TP73: variants seen among roughly 807,000 people sequenced by gnomAD.
TP73 encodes p53-like transcription factor.
A neutral mutation model predicts 62.5 loss-of-function variants in TP73; 25 were observed. The ratio of observed to expected loss-of-function variants is 0.40; its 90% CI spans 0.29 to 0.56. The LOEUF (loss-of-function observed/expected upper bound fraction) is 0.56. TP73 is among the 20% of genes least tolerant of loss of function. The pLI is 0.46. For synonymous variants in TP73, 423 were observed against 377.5 expected, an observed-to-expected ratio of 1.12 and a Z score of -1.40; for missense variants, 754 against 913.3, an observed-to-expected ratio of 0.83 and a Z score of 2.25.
intron 5 of TP73, among the ~76,000 whole-genome samples, chr1:3,722,515 T>C (rs1641151158): frequency 6.6e-6 from 1 of 152,180 alleles, no homozygotes; most frequent in Admixed American, 6.5e-5. Flanking sequence ...GCCTACGGGC[T>C]ACCCCAAGGA....
At chr1:3,732,314 C>A (rs893012414) in intron 13 of TP73, among the ~76,000 whole-genome samples, 3 of 152,250 alleles carry the variant, frequency 2.0e-5, no homozygotes, top group Non-Finnish European at 4.4e-5. Flanking sequence ...CCGCCCTCCC[C>A]GCAACCTGTC....
intron 1 of TP73, among the ~76,000 whole-genome samples, chr1:3,657,456 T>C (rs1218131625): frequency 6.6e-6 from 1 of 152,144 alleles, no homozygotes; most frequent in Non-Finnish European, 1.5e-5. Flanking sequence ...GATCTTATCT[T>C]GAGACCCTTA....
intron 4 of TP73, among the ~76,000 whole-genome samples, chr1:3,709,534 T>C (rs1297118808): frequency 6.6e-6 from 1 of 152,100 alleles, no homozygotes; most frequent in Non-Finnish European, 1.5e-5. Context: ...CCCAAATGAG[T>C]GGTTCCGTGG....
chr1:3,720,408 G>A (rs1470556081), intron 4 of TP73, among the ~76,000 whole-genome samples: 1 of 152,212 alleles, frequency 6.6e-6, no homozygotes. Context: ...GGACCTAGGA[G>A]GGGCCAGCTC....
intron 3 of TP73, among the ~76,000 whole-genome samples, chr1:3,705,598 TGGCTGTCCTG>T (rs1236213156): frequency 6.6e-6 from 1 of 152,232 alleles, no homozygotes; most frequent in Non-Finnish European, 1.5e-5. Context: ...CTGGGGCTGT[TGGCTGTCCTG>T]GGCTGGAGCA....
At chr1:3,654,455 G>T (rs1055593975) in intron 1 of TP73, among the ~76,000 whole-genome samples, 2 of 152,248 alleles carry the variant, frequency 1.3e-5, no homozygotes, top group Admixed American at 1.3e-4. Flanking sequence ...AAGTCAGAAT[G>T]CTGGGGTTCA....
At chr1:3,723,655 C>G (rs546539470) in intron 6 of TP73, among the ~76,000 whole-genome samples, 186 bp downstream of exon 6, 2 of 152,212 alleles carry the variant, frequency 1.3e-5, no homozygotes, top group African/African-American at 2.4e-5. Flanking sequence ...CACCCACACC[C>G]GCCCCACTGT....
chr1:3,690,918 G>C (rs367573010), intron 3 of TP73: 2 of 1,581,270 alleles, frequency 1.3e-6, no homozygotes, highest in East Asian at 2.3e-5. Context: ...GCTGTACGTC[G>C]GTGACCCCGC....
At chr1:3,681,602 T>C (rs1007689997) in intron 1 of TP73, among the ~76,000 whole-genome samples, 2 of 152,138 alleles carry the variant, frequency 1.3e-5, no homozygotes, top group African/African-American at 2.4e-5. Context: ...GTTCCCAGCC[T>C]TGCCAGGCTT....
At chr1:3,727,491 G>T in intron 7 of TP73, 137 bp from the exon 8 acceptor site, 1 of 1,288,610 alleles carries the variant, frequency 7.8e-7, no homozygotes, top group Non-Finnish European at 1.1e-6. Flanking sequence ...GGGAACACTC[G>T]CTGCCGGCAC....
At chr1:3,703,011 G>A (rs1040868424) in intron 3 of TP73, among the ~76,000 whole-genome samples, 5 of 152,204 alleles carry the variant, frequency 3.3e-5, no homozygotes, top group Non-Finnish European at 7.4e-5. Flanking sequence ...GGCAGGAAGC[G>A]AAAGGGAAGA....
chr1:3,693,636 G>A (rs942428160), intron 3 of TP73, among the ~76,000 whole-genome samples: 3 of 152,096 alleles, frequency 2.0e-5, no homozygotes, highest in Non-Finnish European at 4.4e-5. Context: ...TGCTGCAGAT[G>A]GGGACGCAGG....
In TP73 at chr1:3,728,140, A is replaced by G. The variant is rs965051517; in HGVS notation, c.997A>G (p.Ser333Gly). Residue 333 changes from serine (S) to glycine (G), a missense_variant, in exon 9 of 14, where the codon AGC (serine) becomes GGC (glycine). Physicochemically the swap from Ser to Gly is moderately conservative, Grantham distance 56 (BLOSUM62 0). Coordinates refer to ENST00000378295, the MANE Select transcript of TP73 (RefSeq NM_005427.4). ...GAASKRAFKQ[S>G]PPAVPALGAG... ...GCCTGGCCTTCCAGCCTTCAAGCAG[A>G]GCCCCCCTGCCGTCCCCGCCCTTGG... The G allele has an allele frequency of 1.2e-6, 2 of 1,610,872 alleles. No individual in the cohort carries two copies. Among genetic ancestry groups the G allele is most frequent in the Non-Finnish European group, 1.7e-6 (2 of 1,179,842 alleles).
intron 1 of TP73, among the ~76,000 whole-genome samples, chr1:3,659,818 C>A (rs934901136): frequency 6.9e-6 from 1 of 145,516 alleles, no homozygotes; most frequent in Non-Finnish European, 1.5e-5. Context: ...GAGTTACAGG[C>A]ATGCACCACC....
At chr1:3,716,486 G>A (rs1046631251) in intron 4 of TP73, among the ~76,000 whole-genome samples, 1 of 152,226 alleles carries the variant, frequency 6.6e-6, no homozygotes. Context: ...TGAAACAGGG[G>A]CGATTGCCAC....
chr1:3,730,865 T>A (rs1642082448), intron 11 of TP73, 62 bp from the exon 12 acceptor site: 1 of 1,519,036 alleles, frequency 6.6e-7, no homozygotes, highest in Non-Finnish European at 8.9e-7. Flanking sequence ...GGAGCCTGGG[T>A]GGAGGCTGCA....
intron 13 of TP73, among the ~76,000 whole-genome samples, chr1:3,732,030 A>G (rs1024310503): frequency 4.6e-5 from 7 of 152,214 alleles, no homozygotes; most frequent in Non-Finnish European, 8.8e-5. Context: ...ATGATTAAAC[A>G]GCCACGGCTT....
intron 13 of TP73, among the ~76,000 whole-genome samples, chr1:3,731,806 A>C (rs1642160544): frequency 6.6e-6 from 1 of 152,232 alleles, no homozygotes; most frequent in Non-Finnish European, 1.5e-5. Flanking sequence ...TTGGACTCCC[A>C]GCAGCCAGTG....
chr1:3,676,366 TA>T (rs1239908477), intron 1 of TP73, among the ~76,000 whole-genome samples: 1 of 82,972 alleles, frequency 1.2e-5, no homozygotes, highest in Non-Finnish European at 2.2e-5. Context: ...GATGGGGGGC[TA>T]GGGGACAAAG....
Sources: gnomAD v4.1 joint callset for allele counts (sites outside exome capture counted in the v4.1 genomes callset) on GRCh38, gnomAD v4.1.1 for gene constraint, MANE v1.5 for transcripts, NCBI Gene and HGNC (gene_info 2026-07-23, HGNC 2026-07-21) for gene names.